C12orf42: variants seen among roughly 807,000 people sequenced by gnomAD.
C12orf42 encodes the protein chromosome 12 open reading frame 42.
C12orf42 carries 25 observed loss-of-function variants against 21.6 expected under a neutral mutation model. The ratio of observed to expected loss-of-function variants is 1.16; its 90% CI spans 0.84 to 1.62. C12orf42 has a LOEUF of 1.62. Among genes scored for constraint, C12orf42 ranks in the 40% most tolerant of loss-of-function variants. The pLI is 0.00. For synonymous variants in C12orf42, 174 were observed against 175.0 expected (o/e 0.99, Z 0.05); for missense variants, 483 against 459.3 (o/e 1.05, Z -0.47).
At chr12:103,563,504 AT>A in the C12orf42 span, among the ~76,000 whole-genome samples, 25 of 152,222 alleles carry the variant, frequency 1.6e-4, no homozygotes, top group Admixed American at 1.6e-3. Flanking sequence ...AAAAATAGGC[AT>A]TTCTTGCTCA....
chr12:103,375,386 A>C (rs184107890), intron 3 of C12orf42, among the ~76,000 whole-genome samples: 104 of 152,322 alleles, frequency 6.8e-4, no homozygotes, highest in Non-Finnish European at 3.4e-4. Context: ...AGTCTGTAAA[A>C]TACTCAACAG....
the C12orf42 span, among the ~76,000 whole-genome samples, chr12:103,545,260 T>G: frequency 6.6e-6 from 1 of 152,226 alleles, no homozygotes; most frequent in Non-Finnish European, 1.5e-5. Context: ...AGATACCAAC[T>G]CTAGCACGCA....
chr12:103,293,257 A>G (rs1275123995), intron 4 of C12orf42, among the ~76,000 whole-genome samples: 1 of 152,062 alleles, frequency 6.6e-6, no homozygotes, highest in East Asian at 1.9e-4. Context: ...TATAAGGTAA[A>G]TCCCCATGTC....
At chr12:103,425,618 A>T (rs1949739743) in intron 2 of C12orf42, among the ~76,000 whole-genome samples, 1 of 152,230 alleles carries the variant, frequency 6.6e-6, no homozygotes, top group African/African-American at 2.4e-5. Flanking sequence ...AGGAAAAATA[A>T]CAAACAGAAA....
chr12:103,218,274 C>T, the C12orf42 span, among the ~76,000 whole-genome samples: 84 of 144,618 alleles, frequency 5.8e-4, no homozygotes, highest in African/African-American at 1.8e-3. Context: ...GAATGAACTC[C>T]GCTTCAAAAA....
chr12:103,055,827 T>C, the C12orf42 span, among the ~76,000 whole-genome samples: 1 of 152,070 alleles, frequency 6.6e-6, no homozygotes, highest in Non-Finnish European at 1.5e-5. Flanking sequence ...TAGAAGTGTA[T>C]TGTTTAGTTC....
chr12:103,198,196 G>T, the C12orf42 span, among the ~76,000 whole-genome samples: 1 of 152,178 alleles, frequency 6.6e-6, no homozygotes, highest in Non-Finnish European at 1.5e-5. Context: ...GATGGCCGTG[G>T]GTGAATGAGT....
intron 4 of C12orf42, among the ~76,000 whole-genome samples, chr12:103,278,635 A>T (rs1313073325): frequency 6.6e-6 from 1 of 152,250 alleles, no homozygotes; most frequent in Non-Finnish European, 1.5e-5. Flanking sequence ...GTATGTGCTG[A>T]CGTGAAACAG....
At chr12:103,095,596 T>C in the C12orf42 span, among the ~76,000 whole-genome samples, 1 of 152,322 alleles carries the variant, frequency 6.6e-6, no homozygotes, top group Middle Eastern at 3.4e-3. Flanking sequence ...CTACAATGCA[T>C]TGCCTTCCAA....
chr12:103,103,095 C>G, the C12orf42 span, among the ~76,000 whole-genome samples: 3 of 152,276 alleles, frequency 2.0e-5, no homozygotes, highest in South Asian at 2.1e-4. Context: ...CATAATCTAA[C>G]TAAGCACAAG....
At chr12:103,451,467 C>T (rs1218146189) in intron 2 of C12orf42, among the ~76,000 whole-genome samples, 1 of 152,008 alleles carries the variant, frequency 6.6e-6, no homozygotes, top group East Asian at 1.9e-4. Context: ...TAGCACCGCA[C>T]CCTCCCAAAG....
intron 10 of C12orf42, chr12:103,263,255 C>G (rs1311276718): frequency 6.6e-6 from 1 of 151,814 alleles, no homozygotes; most frequent in Non-Finnish European, 1.5e-5. Flanking sequence ...ATCTATGTAT[C>G]AAATCTGCAT....
intron 2 of C12orf42, among the ~76,000 whole-genome samples, chr12:103,423,192 C>G (rs1455388665): frequency 6.6e-6 from 1 of 152,184 alleles, no homozygotes; most frequent in Admixed American, 6.5e-5. Context: ...GTCACGGGGT[C>G]AAAGCCAGGA....
the C12orf42 span, among the ~76,000 whole-genome samples, chr12:103,111,467 G>A: frequency 6.6e-6 from 1 of 152,186 alleles, no homozygotes; most frequent in Non-Finnish European, 1.5e-5. Flanking sequence ...TTGATTCGAT[G>A]AATATTAGTG....
chr12:103,221,336 T>G, the C12orf42 span, among the ~76,000 whole-genome samples: 1 of 152,240 alleles, frequency 6.6e-6, no homozygotes, highest in Non-Finnish European at 1.5e-5. Flanking sequence ...TGCCAAACTC[T>G]ATGAGATGAG....
chr12:103,482,420 T>A (rs1013994072), intron 1 of C12orf42, among the ~76,000 whole-genome samples: 1 of 152,184 alleles, frequency 6.6e-6, no homozygotes, highest in Non-Finnish European at 1.5e-5. Flanking sequence ...TCGTAGTCAG[T>A]CTGTTGCCAA....
chr12:103,324,395 C>T (rs1193453954), intron 4 of C12orf42, among the ~76,000 whole-genome samples: 2 of 152,062 alleles, frequency 1.3e-5, no homozygotes, highest in Non-Finnish European at 2.9e-5. Context: ...AAGTCTCCGA[C>T]TCACCCAAAA....
intron 10 of C12orf42, among the ~76,000 whole-genome samples, chr12:103,240,208 A>T (rs1030616238): frequency 1.3e-5 from 2 of 152,206 alleles, no homozygotes; most frequent in Admixed American, 6.5e-5. Flanking sequence ...ATCTCACAGT[A>T]ACTCTATGAG....
chr12:103,494,865 A>G (rs1458144112), intron 1 of C12orf42, among the ~76,000 whole-genome samples: 5 of 152,160 alleles, frequency 3.3e-5, no homozygotes, highest in Admixed American at 3.3e-4. Flanking sequence ...AGGTTACGTG[A>G]ATGGGAGGGT....
Sources: allele counts gnomAD v4.1 joint callset (sites outside exome capture counted in the v4.1 genomes callset), GRCh38; gene constraint gnomAD v4.1.1; transcripts MANE v1.5; gene names NCBI Gene and HGNC (gene_info 2026-07-23, HGNC 2026-07-21).